IFT74: variants seen among roughly 807,000 people sequenced by gnomAD.
IFT74 encodes intraflagellar transport protein 74 homolog.
IFT74 carries 92 observed loss-of-function variants against 96.7 expected under a neutral mutation model. That is an observed-to-expected ratio of 0.95 (90% confidence interval 0.80 to 1.13). The LOEUF is 1.13. IFT74 is among the 50% of genes most tolerant of loss of function. IFT74 has a pLI of 0.00. For synonymous variants in IFT74, 223 were observed against 213.2 expected, an observed-to-expected ratio of 1.05 and a Z score of -0.40; for missense variants, 811 against 698.2, an observed-to-expected ratio of 1.16 and a Z score of -1.82.
chr9:27,006,645 A>G, intron 8 of IFT74, among the ~76,000 whole-genome samples: 1 of 140,844 alleles, frequency 7.1e-6, no homozygotes. Flanking sequence ...GAGAGAAGAG[A>G]AGAGAGAGGA....
chr9:26,961,108 G>A (rs10118211), intron 1 of IFT74, among the ~76,000 whole-genome samples: 31,372 of 145,526 alleles, frequency 0.22, 3,354 homozygotes, highest in Middle Eastern at 0.27. Flanking sequence ...TTTTGGGTGG[G>A]GGGATGGAGT....
intron 10 of IFT74, among the ~76,000 whole-genome samples, chr9:27,014,219 A>T (rs550472727): frequency 4.6e-5 from 7 of 152,334 alleles, no homozygotes; most frequent in African/African-American, 1.7e-4. Context: ...TGTCTAAAAA[A>T]AGTAAAAAAA....
chr9:27,021,053 TAGA>T (rs1290859739), intron 12 of IFT74, among the ~76,000 whole-genome samples: 4 of 152,202 alleles, frequency 2.6e-5, no homozygotes, highest in Admixed American at 6.5e-5. Flanking sequence ...TTTCTTCACT[TAGA>T]ATAACTGTCT....
intron 2 of IFT74, chr9:26,976,490 C>T (rs538411269): frequency 9.9e-5 from 30 of 302,666 alleles, no homozygotes; most frequent in African/African-American, 5.7e-4. Flanking sequence ...ACAATCTAAA[C>T]TAGACCCAAT....
chr9:26,990,057 C>A, intron 7 of IFT74, 77 bp from the exon 8 acceptor site: 1 of 755,200 alleles, frequency 1.3e-6, no homozygotes. Context: ...CATTTAGTTC[C>A]TAGCCAAAAT....
intron 11 of IFT74, among the ~76,000 whole-genome samples, chr9:27,018,234 C>G (rs1019643952): frequency 1.3e-5 from 2 of 152,092 alleles, no homozygotes; most frequent in Non-Finnish European, 2.9e-5. Context: ...CCAAATATTA[C>G]ATGGTACATA....
At chr9:26,988,428 G>T (rs891148054) in intron 6 of IFT74, among the ~76,000 whole-genome samples, 4 of 152,158 alleles carry the variant, frequency 2.6e-5, no homozygotes, top group Non-Finnish European at 5.9e-5. Context: ...AGGAAGAGTT[G>T]TTTATTACTG....
In IFT74 at chr9:27,012,708, G is replaced by GTTTTTTTTTT. The variant is rs772920018; in HGVS notation, c.789+758_789+767dup. On this transcript the variant is annotated intron_variant, in intron 10 of 19. Coordinates refer to ENST00000380062, the MANE Select transcript of IFT74 (RefSeq NM_025103.4). ...GAACAAGAGGAAAGTAAAAATGTCT[G>GTTTTTTTTTT]TTTTTTTTTTTTTTTTTTTTTTTTT... 9.3e-4 allele frequency among the ~76,000 whole-genome samples: 50 copies of GTTTTTTTTTT among 53,876 alleles called. 10 individuals carry two copies. Among genetic ancestry groups the GTTTTTTTTTT allele is most frequent in the African/African-American group, 3.0e-3 (37 of 12,200 alleles). 35.3% of individuals were successfully genotyped at this position (53,876 alleles called of 152,430 possible).
chr9:27,038,884 A>G (rs1294288175), intron 13 of IFT74, among the ~76,000 whole-genome samples: 2 of 152,228 alleles, frequency 1.3e-5, no homozygotes, highest in South Asian at 4.1e-4. Context: ...GCCTACAAGC[A>G]CTGCAAGAGT....
Position 27,048,225 on chromosome 9 carries a change from A to G in IFT74, c.1284A>G (p.Lys428=), listed in dbSNP as rs765713069. Residue 428 remains lysine (K), a synonymous_variant, in exon 16 of 20, where the codon AAA becomes AAG. Coordinates refer to ENST00000380062, the MANE Select transcript of IFT74 (RefSeq NM_025103.4). Reference sequence around the variant, plus strand: ...TGATGCAGGATGACCTCAATTTTAAATCTACTGAAGTGCAGAAATCACAAA... The same window carrying G: ...TGATGCAGGATGACCTCAATTTTAAGTCTACTGAAGTGCAGAAATCACAAA... ...LKMMQDDLNF[K]STEVQKSQST... 5.6e-6 allele frequency: 9 copies of G among 1,609,082 alleles called. No homozygotes were observed. The highest frequency in any genetic ancestry group is 6.8e-6 in the Non-Finnish European group (8 of 1,176,378).
At chr9:26,986,559 T>C (rs186722609) in intron 6 of IFT74, among the ~76,000 whole-genome samples, 60 of 152,152 alleles carry the variant, frequency 3.9e-4, no homozygotes, top group Middle Eastern at 3.4e-3. Context: ...TCAAGTGATC[T>C]GCCCACCTTG....
At chr9:26,951,201 T>C (rs1001162025) in intron 1 of IFT74, among the ~76,000 whole-genome samples, 3 of 152,226 alleles carry the variant, frequency 2.0e-5, no homozygotes, top group Non-Finnish European at 2.9e-5. Flanking sequence ...CATTAAAATT[T>C]AATTTTAAAA....
chr9:27,006,438 A>G (rs993396685), intron 8 of IFT74, among the ~76,000 whole-genome samples: 1 of 152,040 alleles, frequency 6.6e-6, no homozygotes, highest in African/African-American at 2.4e-5. Flanking sequence ...TCTCTACTCA[A>G]AATAAAAAGT....
At position 27,024,939 on chromosome 9, in the gene IFT74, A is replaced by G. The variant is rs113050697; in HGVS notation, c.975-4086A>G. Among the ~76,000 whole-genome samples the G allele has an allele frequency of 9.2e-5, 14 of 151,904 alleles. 2 individuals carry two copies. The highest frequency in any genetic ancestry group is 3.1e-4 in the African/African-American group (13 of 41,440). On this transcript the variant is annotated intron_variant, in intron 12 of 19. Transcript: ENST00000380062. ...TTCAGAGCTCTAAGACAAGGCTTTC[A>G]GAATAACCCAATCCAACAAAGACCA...
chr9:26,997,615 T>G, intron 8 of IFT74: 16 of 1,133,972 alleles, frequency 1.4e-5, no homozygotes, highest in Non-Finnish European at 1.8e-5. Flanking sequence ...ATTACAGGCA[T>G]GAGCCACTGC....
At chr9:27,031,516 A>G (rs1332416376) in intron 13 of IFT74, among the ~76,000 whole-genome samples, 1 of 150,700 alleles carries the variant, frequency 6.6e-6, no homozygotes, top group African/African-American at 2.4e-5. Flanking sequence ...AATACTTGAG[A>G]GTTTATATCT....
intron 16 of IFT74, among the ~76,000 whole-genome samples, chr9:27,049,139 A>G (rs1031361817): frequency 1.2e-4 from 18 of 152,096 alleles, no homozygotes; most frequent in Admixed American, 3.9e-4. Flanking sequence ...AAGCTTCCTG[A>G]GGCCCTCACC....
At chr9:27,047,393 T>G in intron 15 of IFT74, 22 bp downstream of exon 15, 14 of 1,432,798 alleles carry the variant, frequency 9.8e-6, no homozygotes, top group Non-Finnish European at 1.4e-5. Flanking sequence ...GTGCCTGTCT[T>G]GGTGTCCTCT....
chr9:26,951,704 C>A (rs1183152884), upstream of IFT74, among the ~76,000 whole-genome samples: 5 of 152,140 alleles, frequency 3.3e-5, no homozygotes, highest in Admixed American at 6.5e-5. Context: ...TTCACAACCA[C>A]CCTGGGCAAC....
Sources: allele counts gnomAD v4.1 joint callset (sites outside exome capture counted in the v4.1 genomes callset), GRCh38; gene constraint gnomAD v4.1.1; transcripts MANE v1.5; gene names NCBI Gene and HGNC (gene_info 2026-07-23, HGNC 2026-07-21).